The following TSPEAR variants were observed in gnomAD, a reference collection of about 807,000 sequenced individuals.
TSPEAR encodes the protein thrombospondin type laminin G domain and EAR repeats.
TSPEAR carries 69 observed loss-of-function variants against 71.6 expected under a neutral mutation model. The ratio of observed to expected loss-of-function variants is 0.96; its 90% CI spans 0.79 to 1.18. The LOEUF is 1.18. TSPEAR is among the 50% of genes most tolerant of loss of function. The pLI, the probability that TSPEAR is intolerant of heterozygous loss-of-function variation, is 0.00. For missense variants in TSPEAR, 971 were observed against 894.9 expected (o/e 1.09, Z -1.09); for synonymous variants, 402 against 387.2 (o/e 1.04, Z -0.45).
chr21:44,686,439 G>A (rs1986859426), intron 1 of TSPEAR: 1 of 154,590 alleles, frequency 6.5e-6, no homozygotes, highest in South Asian at 1.9e-4. Flanking sequence ...CTGCCACCTG[G>A]CCACCCCCGC....
At chr21:44,511,361 T>TAC (rs141434621) in intron 9 of TSPEAR, among the ~76,000 whole-genome samples, 13 of 150,840 alleles carry the variant, frequency 8.6e-5, no homozygotes, top group Non-Finnish European at 1.3e-4. Context: ...ATGCACTGTG[T>TAC]ACACACACAC....
chr21:44,511,236 A>C (rs1292063964), intron 9 of TSPEAR, among the ~76,000 whole-genome samples: 1 of 152,038 alleles, frequency 6.6e-6, no homozygotes. Flanking sequence ...ACACCTGCAC[A>C]CACAGGCCCA....
chr21:44,560,133 G>A (rs1319744025), intron 2 of TSPEAR, among the ~76,000 whole-genome samples: 2 of 152,154 alleles, frequency 1.3e-5, no homozygotes, highest in African/African-American at 4.8e-5. Context: ...TAAAGGAATG[G>A]AGGAAAATGT....
chr21:44,621,487 C>T (rs1982430981), intron 1 of TSPEAR, among the ~76,000 whole-genome samples: 1 of 152,232 alleles, frequency 6.6e-6, no homozygotes, highest in African/African-American at 2.4e-5. Context: ...CAGTGGCTTC[C>T]TCATCAGGCT....
chr21:44,551,005 C>A, intron 2 of TSPEAR: 4 of 1,604,594 alleles, frequency 2.5e-6, no homozygotes, highest in Non-Finnish European at 3.4e-6. Context: ...CAGGTGGGCA[C>A]GCAGCACACA....
chr21:44,637,707 CTGTCTGCTGTGTG>C (rs1983710027), intron 1 of TSPEAR: 1 of 344,996 alleles, frequency 2.9e-6, no homozygotes, highest in African/African-American at 6.1e-5. Flanking sequence ...TGCTGTGTGC[CTGTCTGCTGTGTG>C]CCCGTCTGCT....
intron 1 of TSPEAR, chr21:44,658,325 T>A (rs1482390320): frequency 4.5e-6 from 7 of 1,542,170 alleles, no homozygotes; most frequent in Non-Finnish European, 6.2e-6. Context: ...TGAATAAGCA[T>A]CTGGTGGACC....
intron 1 of TSPEAR, among the ~76,000 whole-genome samples, chr21:44,663,385 A>G (rs1601543260): frequency 6.6e-6 from 1 of 152,222 alleles, no homozygotes; most frequent in Admixed American, 6.5e-5. Context: ...TTTAAAAGAC[A>G]AAAGTATGAA....
intron 11 of TSPEAR, among the ~76,000 whole-genome samples, chr21:44,500,181 C>T (rs1250874642): frequency 1.3e-5 from 2 of 152,236 alleles, no homozygotes; most frequent in Non-Finnish European, 2.9e-5. Context: ...CCCAGCGCTA[C>T]CTCCTATCCA....
At chr21:44,535,809 G>T (rs782646568) in intron 2 of TSPEAR, among the ~76,000 whole-genome samples, 7 of 150,880 alleles carry the variant, frequency 4.6e-5, no homozygotes, top group African/African-American at 1.7e-4. Flanking sequence ...CAGGTGATCC[G>T]CCCGCTTCGG....
chr21:44,549,196 G>C (rs188680781), intron 2 of TSPEAR, among the ~76,000 whole-genome samples: 1 of 152,322 alleles, frequency 6.6e-6, no homozygotes, highest in Admixed American at 6.5e-5. Flanking sequence ...TAGAGAGTCA[G>C]TCTTTTCTCA....
At chr21:44,645,271 A>C (rs1555939267) in intron 1 of TSPEAR, among the ~76,000 whole-genome samples, 1 of 152,204 alleles carries the variant, frequency 6.6e-6, no homozygotes, top group Non-Finnish European at 1.5e-5. Flanking sequence ...AGCTGAAGAG[A>C]CAAAAATAAA....
chr21:44,557,860 G>T (rs2053559057), intron 2 of TSPEAR: 2 of 690,934 alleles, frequency 2.9e-6, no homozygotes, highest in Admixed American at 2.9e-5. Flanking sequence ...GTGACCACCG[G>T]CTGGCCAGCA....
At chr21:44,545,957 C>A (rs1314324177) in intron 2 of TSPEAR, among the ~76,000 whole-genome samples, 1 of 152,128 alleles carries the variant, frequency 6.6e-6, no homozygotes, top group Admixed American at 6.5e-5. Flanking sequence ...AATCAATGAA[C>A]CCCAAAGTTG....
At chr21:44,530,740 A>G (rs2052952442) in intron 4 of TSPEAR, among the ~76,000 whole-genome samples, 1 of 152,240 alleles carries the variant, frequency 6.6e-6, no homozygotes, top group African/African-American at 2.4e-5. Flanking sequence ...TGAGAGCAGC[A>G]GGCCCTACTG....
intron 9 of TSPEAR, chr21:44,515,468 C>T (rs2052537045): frequency 6.6e-6 from 1 of 152,388 alleles, no homozygotes; most frequent in African/African-American, 2.4e-5. Flanking sequence ...CCTGCTCTAG[C>T]CCCTGCTCTT....
intron 9 of TSPEAR, among the ~76,000 whole-genome samples, chr21:44,513,933 A>G (rs1177876177): frequency 6.6e-6 from 1 of 152,138 alleles, no homozygotes; most frequent in East Asian, 1.9e-4. Flanking sequence ...CTACTGGATG[A>G]CAGGTGACTC....
At chr21:44,633,006 T>C (rs1198015255) in intron 1 of TSPEAR, among the ~76,000 whole-genome samples, 3 of 152,212 alleles carry the variant, frequency 2.0e-5, no homozygotes, top group Non-Finnish European at 4.4e-5. Context: ...ATTGATTTTA[T>C]GTGTTAGTGT....
At chr21:44,636,121 C>A (rs1983549149) in intron 1 of TSPEAR, among the ~76,000 whole-genome samples, 1 of 152,164 alleles carries the variant, frequency 6.6e-6, no homozygotes, top group South Asian at 2.1e-4. Context: ...TACTTTCTGG[C>A]AGTTCATATC....
Sources: allele counts gnomAD v4.1 joint callset (sites outside exome capture counted in the v4.1 genomes callset), GRCh38; gene constraint gnomAD v4.1.1; transcripts MANE v1.5; gene names NCBI Gene and HGNC (gene_info 2026-07-23, HGNC 2026-07-21).